The following AGBL1 variants were observed in gnomAD, a reference collection of about 807,000 sequenced individuals.
AGBL1 encodes the protein AGBL carboxypeptidase 1.
In AGBL1, 130 loss-of-function variants were observed where a neutral mutation model predicts 118.9. The observed-to-expected ratio is 1.09, with a 90% CI of 0.95 to 1.26. AGBL1 has a LOEUF of 1.26. AGBL1 is among the 50% of genes most tolerant of loss of function. The probability of loss-of-function intolerance (pLI) is 0.00; values close to 1 mark genes in which losing one functional copy is unlikely to be tolerated. For synonymous variants in AGBL1, 555 were observed against 478.9 expected, an observed-to-expected ratio of 1.16 and a Z score of -2.08; for missense variants, 1,584 against 1,298.1, an observed-to-expected ratio of 1.22 and a Z score of -3.38.
intron 23 of AGBL1, among the ~76,000 whole-genome samples, chr15:86,958,424 T>C (rs2080956115): frequency 6.6e-6 from 1 of 151,924 alleles, no homozygotes; most frequent in African/African-American, 2.4e-5. Context: ...GATTTTAGCA[T>C]AGGTATAGAC....
intron 18 of AGBL1, among the ~76,000 whole-genome samples, chr15:86,403,704 A>G (rs573844880): frequency 6.6e-6 from 1 of 152,324 alleles, no homozygotes; most frequent in South Asian, 2.1e-4. Flanking sequence ...AGATAAGAAA[A>G]GTTGAGCACA....
At chr15:86,137,242 T>C (rs954560747) in intron 1 of AGBL1, among the ~76,000 whole-genome samples, 1 of 152,212 alleles carries the variant, frequency 6.6e-6, no homozygotes, top group Non-Finnish European at 1.5e-5. Context: ...GTGAGGGCAT[T>C]ATGAACTGAA....
chr15:86,944,758 G>A (rs1317607320), intron 23 of AGBL1, among the ~76,000 whole-genome samples: 3 of 152,094 alleles, frequency 2.0e-5, no homozygotes, highest in African/African-American at 7.2e-5. Flanking sequence ...TAGAAAACAA[G>A]TAGAATTAAT....
intron 22 of AGBL1, among the ~76,000 whole-genome samples, chr15:86,756,828 C>T (rs991375375): frequency 1.3e-5 from 2 of 151,824 alleles, no homozygotes; most frequent in South Asian, 4.2e-4. Context: ...TAGAGTTTGT[C>T]AATAGGATAA....
At chr15:86,244,086 A>AATATATAT (rs529647160) in intron 6 of AGBL1, among the ~76,000 whole-genome samples, 1 of 149,598 alleles carries the variant, frequency 6.7e-6, no homozygotes, top group African/African-American at 2.4e-5. Flanking sequence ...TAAATAAATA[A>AATATATAT]ATATATATAT....
intron 22 of AGBL1, among the ~76,000 whole-genome samples, chr15:86,715,259 T>C (rs183897039): frequency 6.6e-6 from 1 of 152,296 alleles, no homozygotes; most frequent in South Asian, 2.1e-4. Context: ...CCTATGTACC[T>C]GTTATTGTTG....
chr15:86,702,944 A>G (rs868662296), intron 22 of AGBL1, among the ~76,000 whole-genome samples: 50 of 152,036 alleles, frequency 3.3e-4, no homozygotes, highest in Middle Eastern at 6.8e-3. Context: ...TATAATTCGA[A>G]GACTGACCCC....
At chr15:86,327,014 G>T (rs1415154170) in intron 17 of AGBL1, among the ~76,000 whole-genome samples, 2 of 151,618 alleles carry the variant, frequency 1.3e-5, no homozygotes, top group African/African-American at 4.9e-5. Context: ...GAGGAAAATA[G>T]TAAAGGAGGA....
chr15:86,633,815 T>TA (rs1491191200), intron 21 of AGBL1, among the ~76,000 whole-genome samples: 5 of 4,970 alleles, frequency 1.0e-3, no homozygotes, highest in African/African-American at 2.0e-3. Context: ...ATATATAATG[T>TA]ATGTATATAT....
At chr15:86,916,760 C>T (rs545202531), downstream of AGBL1, among the ~76,000 whole-genome samples, 5 of 152,234 alleles carry the variant, frequency 3.3e-5, no homozygotes, top group Admixed American at 2.6e-4. Flanking sequence ...GCTGTGCTGG[C>T]GGGGCCTGCA....
chr15:87,005,066 G>C (rs555253965), intron 24 of AGBL1, among the ~76,000 whole-genome samples: 387 of 152,334 alleles, frequency 2.5e-3, no homozygotes, highest in African/African-American at 9.1e-3. Flanking sequence ...TCCACTGTTA[G>C]TCTGATGGGC....
chr15:86,884,395 T>A (rs1486895012), intron 22 of AGBL1, among the ~76,000 whole-genome samples: 1 of 152,232 alleles, frequency 6.6e-6, no homozygotes, highest in Non-Finnish European at 1.5e-5. Flanking sequence ...AACTTACGAT[T>A]TGTTTATTCC....
In AGBL1 at chr15:86,544,753, T is replaced by G. The variant is rs369669198; in HGVS notation, c.2686-1249T>G. 4.6e-5 allele frequency among the ~76,000 whole-genome samples: 7 copies of G among 152,284 alleles called. No individual in the cohort carries two copies. In the East Asian group the frequency reaches 1.2e-3, roughly 25 times the overall value. ...GAGATTATTACAATTCAAGGTGAGA[T>G]TTGGGTGGGAACACAGCCAAACCAT... On this transcript the variant is annotated intron_variant, in intron 19 of 22. Transcript: ENST00000614907.
intron 21 of AGBL1, among the ~76,000 whole-genome samples, chr15:86,564,925 C>T (rs1386731632): frequency 6.6e-6 from 1 of 152,138 alleles, no homozygotes; most frequent in African/African-American, 2.4e-5. Context: ...GATCGAATTG[C>T]CTACTGGAGC....
At chr15:86,646,519 A>G (rs1214755911) in intron 21 of AGBL1, among the ~76,000 whole-genome samples, 1 of 152,166 alleles carries the variant, frequency 6.6e-6, no homozygotes, top group Non-Finnish European at 1.5e-5. Context: ...CCTGAGAGGA[A>G]AGGGATGTGT....
At chr15:86,796,047 A>C (rs1208962362) in intron 22 of AGBL1, among the ~76,000 whole-genome samples, 1 of 152,064 alleles carries the variant, frequency 6.6e-6, no homozygotes, top group Non-Finnish European at 1.5e-5. Flanking sequence ...TCAACCAACT[A>C]AAAGTTTTAC....
chr15:86,643,516 A>G (rs977006034), intron 21 of AGBL1, among the ~76,000 whole-genome samples: 17 of 152,112 alleles, frequency 1.1e-4, no homozygotes, highest in Non-Finnish European at 1.9e-4. Context: ...TACGTATATT[A>G]GCTTGTCGCT....
At chr15:86,490,042 G>T (rs745623513) in intron 18 of AGBL1, among the ~76,000 whole-genome samples, 15 of 152,046 alleles carry the variant, frequency 9.9e-5, no homozygotes, top group Non-Finnish European at 2.1e-4. Context: ...TCACACTCAG[G>T]TTGCCTTGTG....
chr15:86,741,381 CAAAAAAAAAAAAAAAAAAAAAAAAAAA>C (rs570193876), intron 22 of AGBL1, among the ~76,000 whole-genome samples: 96 of 30,532 alleles, frequency 3.1e-3, no homozygotes, highest in African/African-American at 2.5e-3. Context: ...TAAGGCAAAG[CAAAAAAAAAAAAAAAAAAAAAAAAAAA>C]AAAAAAAAAA....
Sources: gnomAD v4.1 joint callset for allele counts (sites outside exome capture counted in the v4.1 genomes callset) on GRCh38, gnomAD v4.1.1 for gene constraint, MANE v1.5 for transcripts, NCBI Gene and HGNC (gene_info 2026-07-23, HGNC 2026-07-21) for gene names.